ZBTB17: variants seen among roughly 807,000 people sequenced by gnomAD.
ZBTB17 encodes the protein zinc finger and BTB domain-containing protein 17.
In ZBTB17, 24 loss-of-function variants were observed where a neutral mutation model predicts 85.1. That is an observed-to-expected ratio of 0.28 (90% confidence interval 0.20 to 0.40). The LOEUF is 0.40. Ranked by LOEUF, ZBTB17 falls within the 10% of genes least tolerant of loss-of-function variation. The pLI is 1.00. For synonymous variants in ZBTB17, 464 were observed against 460.2 expected (o/e 1.01, Z -0.11); for missense variants, 743 against 1,105.1 (o/e 0.67, Z 4.65).
At chr1:15,946,750 C>T (rs924788820) in intron 4 of ZBTB17, among the ~76,000 whole-genome samples, 185 bp downstream of exon 4, 2 of 152,244 alleles carry the variant, frequency 1.3e-5, no homozygotes, top group Non-Finnish European at 2.9e-5. Context: ...GCACGGCTCC[C>T]GGGTGCTCTG....
At position 15,951,701 on chromosome 1, in the gene ZBTB17, C is replaced by G. The variant is rs1225779359; in HGVS notation, c.-2-3204G>C. On this transcript the variant is annotated intron_variant, in intron 2 of 15. Coordinates refer to ENST00000375743, the MANE Select transcript of ZBTB17 (RefSeq NM_003443.3). This position sits in a 1 kb window ranked among gnomAD's most constrained non-coding sequence, Gnocchi z 4.1. The stretch of plus-strand genomic sequence containing the variant: ...CCCACGTGAACTGCTCTGGAGGGAT[C>G]ACCAGCCTGTATCCTAGTTCCCCTC... 1.3e-5 allele frequency among the ~76,000 whole-genome samples: 2 copies of G among 152,178 alleles called. No homozygotes were observed. Among genetic ancestry groups the G allele is most frequent in the Non-Finnish European group, 2.9e-5 (2 of 68,032 alleles).
At chr1:15,960,046 TCAAA>T (rs2072200498) in intron 2 of ZBTB17, among the ~76,000 whole-genome samples, 1 of 152,198 alleles carries the variant, frequency 6.6e-6, no homozygotes, top group African/African-American at 2.4e-5. Context: ...GTCCTCGTGC[TCAAA>T]CAGAGGAAGC....
In ZBTB17 at chr1:15,945,099, G is replaced by C; in HGVS notation, c.765C>G (p.Ser255=). ...AGPAEVKEEG[S]QLENGEAPEE... is the part of the protein sequence containing the mutation. The stretch of plus-strand genomic sequence containing the variant: ...CGGGGGCCTCTCCGTTCTCCAGCTG[G>C]GAACCCTCCTCCTTGACCTCAGCTG... The change falls in exon 7 of 16, where the codon TCC becomes TCG. Residue 255 remains serine (S), a synonymous_variant. Coordinates refer to ENST00000375743, the MANE Select transcript of ZBTB17 (RefSeq NM_003443.3). 1 of 1,610,742 alleles carries C rather than the reference G, an allele frequency of 6.2e-7. No homozygotes were observed. The highest frequency in any genetic ancestry group is 1.7e-4 in the Middle Eastern group (1 of 6,058).
rs2148766045 is a variant in ZBTB17 at position 15,947,126 on chromosome 1, A to G, written c.206-3T>C. ...AAACTCCAGCACCTGCCCCAGGCCTACCAAGGACAGGACAGCTGTCACAGA... is the reference window on the plus strand; with the variant it reads ...AAACTCCAGCACCTGCCCCAGGCCTGCCAAGGACAGGACAGCTGTCACAGA... On this transcript the variant is annotated splice_region_variant and splice_polypyrimidine_tract_variant and intron_variant, in intron 3 of 15. Coordinates refer to ENST00000375743, the MANE Select transcript of ZBTB17 (RefSeq NM_003443.3). The G allele has an allele frequency of 6.2e-7, 1 of 1,605,970 alleles. No individual in the cohort carries two copies. Among genetic ancestry groups the G allele is most frequent in the Non-Finnish European group, 8.5e-7 (1 of 1,173,736 alleles).
chr1:15,942,146 G>A lies in ZBTB17; in HGVS notation c.2235C>T (p.Val745=). 6.2e-6 allele frequency: 10 copies of A among 1,613,656 alleles called. No individual in the cohort carries two copies. Among genetic ancestry groups the A allele is most frequent in the Non-Finnish European group, 8.5e-6 (10 of 1,180,050 alleles). ...AGAAGTCCGCGTCTGTCTGGAACAT[G>A]ACCAGTGCCTGGGCTGTGTGGATTC... is the stretch of plus-strand genomic sequence containing the variant. ...HVRIHTAQAL[V]MFQTDADFYQ... The change falls in exon 16 of 16, where the codon GTC becomes GTT. Residue 745 remains valine, a synonymous_variant. Coordinates refer to ENST00000375743, the MANE Select transcript of ZBTB17 (RefSeq NM_003443.3).
intron 3 of ZBTB17, 111 bp downstream of exon 3, chr1:15,948,180 C>T (rs976024620): frequency 1.6e-6 from 2 of 1,289,536 alleles, no homozygotes; most frequent in Middle Eastern, 1.8e-4. Context: ...GTGCGGGAGG[C>T]CTGTTGCATC....
At chr1:15,970,741 G>A (rs1207954445) in intron 2 of ZBTB17, among the ~76,000 whole-genome samples, 1 of 152,040 alleles carries the variant, frequency 6.6e-6, no homozygotes, top group Non-Finnish European at 1.5e-5. Flanking sequence ...TAGAGACGGA[G>A]TTTCACCATG....
chr1:15,947,157 C>A, intron 3 of ZBTB17, 34 bp from the exon 4 acceptor site: 2 of 1,580,188 alleles, frequency 1.3e-6, no homozygotes, highest in East Asian at 2.3e-5. Context: ...ACAGACCCAC[C>A]TCAAGATCCG....
chr1:15,963,112 T>C (rs2072318195), intron 2 of ZBTB17, among the ~76,000 whole-genome samples: 1 of 152,062 alleles, frequency 6.6e-6, no homozygotes, highest in Non-Finnish European at 1.5e-5. Context: ...AATATATAAA[T>C]TAATTAATTT....
At chr1:15,946,131 T>A (rs749159492) in intron 5 of ZBTB17, 23 bp downstream of exon 5, 1 of 1,602,974 alleles carries the variant, frequency 6.2e-7, no homozygotes, top group Non-Finnish European at 8.5e-7. Context: ...GACAGCCGGC[T>A]GGGTCCTTGG....
At chr1:15,958,330 C>A (rs1471183198) in intron 2 of ZBTB17, among the ~76,000 whole-genome samples, 2 of 151,806 alleles carry the variant, frequency 1.3e-5, no homozygotes, top group African/African-American at 4.8e-5. Flanking sequence ...GCACAGGGCC[C>A]CTGTCAAACA....
At chr1:15,947,482 T>C (rs901103818) in intron 3 of ZBTB17, among the ~76,000 whole-genome samples, 1 of 151,738 alleles carries the variant, frequency 6.6e-6, no homozygotes, top group Non-Finnish European at 1.5e-5. Context: ...ATGCCGCCCA[T>C]GCATGGAGAA....
At chr1:15,972,928 T>C (rs192515441) in intron 2 of ZBTB17, 111 bp downstream of exon 2, 13 of 152,360 alleles carry the variant, frequency 8.5e-5, no homozygotes, top group Admixed American at 7.2e-4. Context: ...GTCATTACTA[T>C]ATAATTTTGA....
chr1:15,972,352 C>T (rs1463301418), intron 2 of ZBTB17, among the ~76,000 whole-genome samples: 1 of 152,194 alleles, frequency 6.6e-6, no homozygotes, highest in African/African-American at 2.4e-5. Context: ...AGTGGACCTC[C>T]CCTCAGGCTG....
rs772266276 is a variant in ZBTB17, at chr1:15,948,451, G to A, written c.45C>T (p.Asn15=). ...AGAGAAGCCCCAGCTGCCGCTGCTG[G>A]TTCAGCTGTTCCAAGACATGCTGGC... ...QHSQHVLEQL[N]QQRQLGLLCD... Residue 15 remains asparagine, a synonymous_variant, in exon 3 of 16, where the codon AAC becomes AAT. Transcript: ENST00000375743. The A allele has an allele frequency of 1.9e-6, 3 of 1,613,936 alleles. No individual in the cohort carries two copies. The Admixed American group carries it at 5.0e-5, about 27-fold the overall frequency.
chr1:15,948,058 C>T, intron 3 of ZBTB17: 1 of 597,138 alleles, frequency 1.7e-6, no homozygotes, highest in African/African-American at 1.8e-5. Flanking sequence ...CGGCCTAGAG[C>T]TCATCATGAG....
At chr1:15,947,212 G>C (rs2071645753) in intron 3 of ZBTB17, 89 bp from the exon 4 acceptor site, 1 of 1,368,744 alleles carries the variant, frequency 7.3e-7, no homozygotes, top group Non-Finnish European at 9.9e-7. Context: ...GCAGGACGCA[G>C]GGATTTAGGA....
At chr1:15,958,879 C>A (rs2072149182) in intron 2 of ZBTB17, among the ~76,000 whole-genome samples, 1 of 152,186 alleles carries the variant, frequency 6.6e-6, no homozygotes, top group South Asian at 2.1e-4. Context: ...GGAAACACAG[C>A]TGGAGGGCCA....
chr1:15,955,546 C>T (rs373074953), intron 2 of ZBTB17, among the ~76,000 whole-genome samples: 16 of 152,164 alleles, frequency 1.1e-4, no homozygotes, highest in African/African-American at 3.4e-4. Flanking sequence ...GCAGTATTTT[C>T]GGAAGTTTGT....
Sources: allele counts gnomAD v4.1 joint callset (sites outside exome capture counted in the v4.1 genomes callset), GRCh38; gene constraint gnomAD v4.1.1; non-coding constraint Gnocchi (gnomAD v3.1); transcripts MANE v1.5; gene names NCBI Gene and HGNC (gene_info 2026-07-23, HGNC 2026-07-21).